Variants in UGT2B11 observed in about 807,000 individuals in gnomAD.
UGT2B11 encodes UDP-glucuronosyltransferase 2B11.
UGT2B11 carries 49 observed loss-of-function variants against 51.7 expected under a neutral mutation model. The ratio of observed to expected loss-of-function variants is 0.95; its 90% CI spans 0.75 to 1.20. The LOEUF (loss-of-function observed/expected upper bound fraction) is 1.20. UGT2B11 is among the 50% of genes most tolerant of loss of function. The pLI is 0.00. For synonymous variants in UGT2B11, 273 were observed against 209.0 expected (o/e 1.31, Z -2.64); for missense variants, 810 against 622.1 (o/e 1.30, Z -3.21).
chr4:69,223,908 T>A, the UGT2B11 span, among the ~76,000 whole-genome samples: 1 of 152,186 alleles, frequency 6.6e-6, no homozygotes, highest in Non-Finnish European at 1.5e-5. Flanking sequence ...CAGATTGTAC[T>A]TGAGAGGTCC....
At chr4:69,200,832 A>ATTCT in intron 5 of UGT2B11, 113 bp from the exon 6 acceptor site, 1 of 1,236,352 alleles carries the variant, frequency 8.1e-7, no homozygotes, top group Non-Finnish European at 1.1e-6. Flanking sequence ...ATGTCAAAGA[A>ATTCT]TTGACAGAGA....
upstream of UGT2B11, among the ~76,000 whole-genome samples, chr4:69,217,166 A>C (rs1230692165): frequency 7.9e-5 from 12 of 152,102 alleles, no homozygotes; most frequent in Non-Finnish European, 1.5e-4. Context: ...TCTCACTCTT[A>C]GAAAGTATTT....
At chr4:69,211,817 C>A (rs62298954) in intron 2 of UGT2B11, among the ~76,000 whole-genome samples, 2 of 151,264 alleles carry the variant, frequency 1.3e-5, no homozygotes, top group Non-Finnish European at 3.0e-5. Context: ...AAAAGAGAAT[C>A]GTTTCATATA....
At chr4:69,205,094 T>A (rs1475490658) in intron 4 of UGT2B11, among the ~76,000 whole-genome samples, 1 of 151,638 alleles carries the variant, frequency 6.6e-6, no homozygotes, top group Non-Finnish European at 1.5e-5. Flanking sequence ...AGATTAGGAA[T>A]TTAGTCCTCC....
At chr4:69,209,501 C>T (rs1478037900) in intron 2 of UGT2B11, among the ~76,000 whole-genome samples, 1 of 151,660 alleles carries the variant, frequency 6.6e-6, no homozygotes, top group Admixed American at 6.6e-5. Context: ...CCAATGTATA[C>T]CAATATTTAA....
chr4:69,208,743 T>C (rs569461802), intron 2 of UGT2B11, among the ~76,000 whole-genome samples: 3 of 151,666 alleles, frequency 2.0e-5, no homozygotes, highest in Non-Finnish European at 4.4e-5. Context: ...GAAATGGAGC[T>C]ATTACATTGT....
chr4:69,209,971 G>C (rs867044168), intron 2 of UGT2B11, among the ~76,000 whole-genome samples: 86 of 151,606 alleles, frequency 5.7e-4, no homozygotes, highest in African/African-American at 1.8e-3. Context: ...TCTACCTAGA[G>C]ATATTATTTA....
At chr4:69,213,570 CT>C (rs1366702682) in intron 1 of UGT2B11, among the ~76,000 whole-genome samples, 1 of 151,468 alleles carries the variant, frequency 6.6e-6, no homozygotes, top group East Asian at 1.9e-4. Context: ...CTTTCAATAT[CT>C]AAATAAGAAA....
chr4:69,215,146 ACC>A (rs1722228085), upstream of UGT2B11: 1 of 156,226 alleles, frequency 6.4e-6, no homozygotes, highest in Admixed American at 6.3e-5. Context: ...TAATTCAAAT[ACC>A]ATATGATTCA....
At chr4:69,208,227 C>T in intron 3 of UGT2B11, 124 bp downstream of exon 3, 2 of 1,530,588 alleles carry the variant, frequency 1.3e-6, no homozygotes, top group Non-Finnish European at 1.8e-6. Context: ...GCAACATAAG[C>T]ATATTTAAGG....
chr4:69,222,772 CT>C, the UGT2B11 span, among the ~76,000 whole-genome samples: 3 of 152,146 alleles, frequency 2.0e-5, no homozygotes, highest in African/African-American at 7.2e-5. Flanking sequence ...TGTTTCAAAT[CT>C]TGAGAGTGAG....
At chr4:69,205,621 A>T in intron 3 of UGT2B11, 54 bp from the exon 4 acceptor site, 1 of 1,566,580 alleles carries the variant, frequency 6.4e-7, no homozygotes. Flanking sequence ...AAAATTATAG[A>T]ATGTTAGAAC....
upstream of UGT2B11, chr4:69,216,293 T>C (rs1473259853): frequency 8.6e-5 from 13 of 151,560 alleles, no homozygotes; most frequent in Admixed American, 4.0e-4. Context: ...ACATTCATGA[T>C]ATGTAGTTTT....
chr4:69,215,457 A>G (rs1722240844), upstream of UGT2B11: 1 of 152,024 alleles, frequency 6.6e-6, no homozygotes, highest in Admixed American at 6.6e-5. Flanking sequence ...TAGTGTAAAT[A>G]AGGACTTCAT....
intron 4 of UGT2B11, among the ~76,000 whole-genome samples, chr4:69,204,881 G>T (rs1328197328): frequency 6.6e-6 from 1 of 151,696 alleles, no homozygotes; most frequent in Non-Finnish European, 1.5e-5. Context: ...TTGGACTAAT[G>T]AAAAGTGCAT....
At position 69,200,021 on chromosome 4, in the gene UGT2B11, A is replaced by G. The variant is rs557794561; in HGVS notation, c.*419T>C. On this transcript the variant is annotated 3_prime_UTR_variant, in exon 6 of 6. Coordinates refer to ENST00000446444, the MANE Select transcript of UGT2B11 (RefSeq NM_001073.3). The stretch of plus-strand genomic sequence containing the variant: ...CAGAATCCTGTTCAAAATGAAGCCA[A>G]ATTATTCTGAGGATGTGACTACTGA... 6.4e-6 allele frequency: 1 copy of G among 155,890 alleles called. No homozygotes were observed. Among genetic ancestry groups the G allele is most frequent in the East Asian group, 1.9e-4 (1 of 5,194 alleles). The allele number at this position is 155,890 out of a possible 1,614,324, so 9.7% of individuals were successfully genotyped here. A position where few individuals can be genotyped will look rare whatever the true frequency, so the allele number is the denominator to read the frequency against.
At chr4:69,213,207 C>T (rs1224151835) in intron 1 of UGT2B11, among the ~76,000 whole-genome samples, 1 of 151,422 alleles carries the variant, frequency 6.6e-6, no homozygotes, top group South Asian at 2.1e-4. Context: ...AATCCTGGTA[C>T]CAACTATTCA....
chr4:69,213,569 TC>T (rs1722153214), intron 1 of UGT2B11, among the ~76,000 whole-genome samples: 1 of 151,624 alleles, frequency 6.6e-6, no homozygotes, highest in Non-Finnish European at 1.5e-5. Context: ...TCTTTCAATA[TC>T]TAAATAAGAA....
At chr4:69,217,726 A>C (rs1167713018), upstream of UGT2B11, among the ~76,000 whole-genome samples, 1 of 152,010 alleles carries the variant, frequency 6.6e-6, no homozygotes, top group African/African-American at 2.4e-5. Flanking sequence ...GTGAGATGAA[A>C]CCTATGCTGA....
Sources: allele counts gnomAD v4.1 joint callset (sites outside exome capture counted in the v4.1 genomes callset), GRCh38; gene constraint gnomAD v4.1.1; transcripts MANE v1.5; gene names NCBI Gene and HGNC (gene_info 2026-07-23, HGNC 2026-07-21).